The following PRKAR2A variants were observed in gnomAD, a reference collection of about 807,000 sequenced individuals.
PRKAR2A encodes cAMP-dependent protein kinase type II-alpha regulatory subunit.
In PRKAR2A, 29 loss-of-function variants were observed where a neutral mutation model predicts 51.9. The ratio of observed to expected loss-of-function variants is 0.56; its 90% CI spans 0.42 to 0.76. The LOEUF (loss-of-function observed/expected upper bound fraction) is 0.76. PRKAR2A is among the 30% of genes least tolerant of loss of function. The probability of loss-of-function intolerance (pLI) is 0.00; values close to 1 mark genes in which losing one functional copy is unlikely to be tolerated. For missense variants in PRKAR2A, 445 were observed against 512.1 expected (o/e 0.87, Z 1.26); for synonymous variants, 178 against 186.2 (o/e 0.96, Z 0.36).
Position 48,750,842 on chromosome 3 carries a change from A to G in PRKAR2A, c.*743T>C, listed in dbSNP as rs1347773146. ...ATCCCACAAAATCCCCAACCCAGAAAACGTTTCCTGGCTCTCTACTAACAG... is the reference window on the plus strand; with the variant it reads ...ATCCCACAAAATCCCCAACCCAGAAGACGTTTCCTGGCTCTCTACTAACAG... On this transcript the variant is annotated 3_prime_UTR_variant, in exon 11 of 11. Coordinates refer to ENST00000265563, the MANE Select transcript of PRKAR2A (RefSeq NM_004157.4). 6.5e-6 allele frequency: 1 copy of G among 153,444 alleles called. No homozygotes were observed. Among genetic ancestry groups the G allele is most frequent in the Non-Finnish European group, 1.5e-5 (1 of 68,940 alleles). 9.5% of individuals were successfully genotyped at this position (153,444 alleles called of 1,614,324 possible). A position where few individuals can be genotyped will look rare whatever the true frequency, so the allele number is the denominator to read the frequency against.
At chr3:48,836,419 T>TAAAAAAAAAAAAAAAAAAAAAAAAAAA (rs548970318) in intron 1 of PRKAR2A, among the ~76,000 whole-genome samples, 27 of 56,096 alleles carry the variant, frequency 4.8e-4, no homozygotes, top group Non-Finnish European at 6.2e-4. Flanking sequence ...AGACTCCGTC[T>TAAAAAAAAAAAAAAAAAAAAAAAAAAA]AAAAAAAAAA....
intron 1 of PRKAR2A, among the ~76,000 whole-genome samples, chr3:48,832,466 C>A (rs1020526564): frequency 6.6e-5 from 10 of 152,202 alleles, no homozygotes; most frequent in Admixed American, 5.9e-4. Flanking sequence ...AGCCTCTGAA[C>A]ACGCACATTT....
chr3:48,750,470 C>T lies in PRKAR2A; in HGVS notation c.*1115G>A. ...CCCAGCTCAGCCTCCCAAAGCACTA[C>T]AATTATAGGCATGAGCCATTGAGCC... On this transcript the variant is annotated 3_prime_UTR_variant, in exon 11 of 11. Transcript: ENST00000265563. The T allele has an allele frequency of 6.6e-6, 1 of 152,332 alleles. No individual in the cohort carries two copies. 9.4% of individuals were successfully genotyped at this position (152,332 alleles called of 1,614,324 possible).
At chr3:48,762,992 AC>A (rs2081886157) in intron 8 of PRKAR2A, among the ~76,000 whole-genome samples, 1 of 152,148 alleles carries the variant, frequency 6.6e-6, no homozygotes, top group African/African-American at 2.4e-5. Context: ...GGGGGAGGGT[AC>A]TGACTGCAAA....
At chr3:48,831,178 T>C (rs929294583) in intron 1 of PRKAR2A, among the ~76,000 whole-genome samples, 1 of 152,130 alleles carries the variant, frequency 6.6e-6, no homozygotes, top group Non-Finnish European at 1.5e-5. Context: ...ACCACAAACA[T>C]GTAATGTGTT....
intron 5 of PRKAR2A, 75 bp from the exon 6 acceptor site, chr3:48,773,183 T>C: frequency 4.1e-6 from 5 of 1,222,218 alleles, no homozygotes; most frequent in Non-Finnish European, 5.7e-6. Flanking sequence ...GTACATATAA[T>C]AGAAAATGTT....
At chr3:48,763,395 G>A (rs990180563) in intron 8 of PRKAR2A, among the ~76,000 whole-genome samples, 14 of 152,104 alleles carry the variant, frequency 9.2e-5, no homozygotes, top group African/African-American at 3.4e-4. Context: ...ATCTTCAAGA[G>A]CACAGACCAT....
At chr3:48,779,733 T>C (rs569652435) in intron 5 of PRKAR2A, among the ~76,000 whole-genome samples, 2 of 149,466 alleles carry the variant, frequency 1.3e-5, no homozygotes, top group Non-Finnish European at 3.0e-5. Context: ...TGAGCCAGGA[T>C]TGCACCACTA....
At chr3:48,760,835 CA>C (rs538538946) in intron 8 of PRKAR2A, among the ~76,000 whole-genome samples, 12,541 of 64,304 alleles carry the variant, frequency 0.2, 597 homozygotes, top group Middle Eastern at 0.25. Context: ...AACTCCGTCT[CA>C]AAAAAAAAAA....
intron 6 of PRKAR2A, among the ~76,000 whole-genome samples, chr3:48,770,369 G>A (rs2107249601): frequency 6.6e-6 from 1 of 152,236 alleles, no homozygotes; most frequent in East Asian, 1.9e-4. Context: ...GAAAGCAAAA[G>A]AGACTACGTA....
At chr3:48,813,744 T>C (rs1322734336) in intron 1 of PRKAR2A, among the ~76,000 whole-genome samples, 1 of 152,074 alleles carries the variant, frequency 6.6e-6, no homozygotes, top group African/African-American at 2.4e-5. Context: ...CTAAAAGCTG[T>C]CTACTGTCTC....
At chr3:48,828,609 C>G (rs1253338797) in intron 1 of PRKAR2A, among the ~76,000 whole-genome samples, 1 of 148,730 alleles carries the variant, frequency 6.7e-6, no homozygotes, top group African/African-American at 2.5e-5. Flanking sequence ...CTGGTCCCAG[C>G]TACTCCAGGC....
chr3:48,790,267 T>G (rs1286486956), intron 4 of PRKAR2A, among the ~76,000 whole-genome samples: 1 of 152,156 alleles, frequency 6.6e-6, no homozygotes, highest in East Asian at 1.9e-4. Context: ...TTCTGGAATT[T>G]TCCATTTAGT....
intron 8 of PRKAR2A, among the ~76,000 whole-genome samples, chr3:48,764,000 G>T (rs2081901471): frequency 6.6e-6 from 1 of 151,954 alleles, no homozygotes; most frequent in Non-Finnish European, 1.5e-5. Context: ...AGTCTGATTA[G>T]TCCTTGTGTT....
intron 1 of PRKAR2A, among the ~76,000 whole-genome samples, chr3:48,843,021 T>C (rs919096276): frequency 6.6e-6 from 1 of 152,222 alleles, no homozygotes; most frequent in Non-Finnish European, 1.5e-5. Flanking sequence ...CTGGTAGAAT[T>C]TGGCTGTGAA....
chr3:48,834,011 G>A (rs1483970158), intron 1 of PRKAR2A, among the ~76,000 whole-genome samples: 1 of 149,358 alleles, frequency 6.7e-6, no homozygotes, highest in Non-Finnish European at 1.5e-5. Context: ...CTCCAGGCTG[G>A]GCAACAAAGC....
intron 2 of PRKAR2A, among the ~76,000 whole-genome samples, chr3:48,799,657 C>G (rs1219706110): frequency 1.3e-5 from 2 of 152,130 alleles, no homozygotes; most frequent in Non-Finnish European, 2.9e-5. Flanking sequence ...TGAAGAGCAC[C>G]TGCAATGCAG....
rs527728395 is a variant in PRKAR2A at position 48,768,826 on chromosome 3, G to A, written c.697-3477C>T. Among the ~76,000 whole-genome samples the A allele has an allele frequency of 3.3e-5, 5 of 151,160 alleles. No individual in the cohort carries two copies. The South Asian group carries it at 8.4e-4, about 25-fold the overall frequency. Reference sequence around the variant, plus strand: ...ATAGCAAACAATATTTCGGCTGGGCGCATGGCTCACGCCTGTAATCCCAGC... The same window carrying A: ...ATAGCAAACAATATTTCGGCTGGGCACATGGCTCACGCCTGTAATCCCAGC... On this transcript the variant is annotated intron_variant, in intron 6 of 10. Transcript: ENST00000265563.
chr3:48,786,526 G>A (rs1257404865), intron 4 of PRKAR2A, among the ~76,000 whole-genome samples: 4 of 150,362 alleles, frequency 2.7e-5, no homozygotes, highest in African/African-American at 4.9e-5. Context: ...GGCCGGGCGC[G>A]GTGGCTCATG....
Sources: gnomAD v4.1 joint callset for allele counts (sites outside exome capture counted in the v4.1 genomes callset) on GRCh38, gnomAD v4.1.1 for gene constraint, MANE v1.5 for transcripts, NCBI Gene and HGNC (gene_info 2026-07-23, HGNC 2026-07-21) for gene names.